Variants in LRRC37A observed in about 807,000 individuals in gnomAD.
LRRC37A encodes the protein leucine rich repeat containing 37A.
Under a neutral mutation model 35.4 loss-of-function variants are expected in LRRC37A, and 3 were observed. That is an observed-to-expected ratio of 0.08 (90% confidence interval 0.04 to 0.22). LRRC37A has a LOEUF of 0.22. Among genes scored for constraint, LRRC37A ranks in the 10% least tolerant of loss-of-function variants. The probability of loss-of-function intolerance (pLI) is 1.00; values close to 1 mark genes in which losing one functional copy is unlikely to be tolerated. For synonymous variants in LRRC37A, 23 were observed against 215.0 expected (o/e 0.11, Z 7.81); for missense variants, 67 against 565.3 (o/e 0.12, Z 8.94).
chr17:46,317,178 G>GA (rs2051198777), intron 5 of LRRC37A, among the ~76,000 whole-genome samples: 5 of 86,038 alleles, frequency 5.8e-5, no homozygotes, highest in Admixed American at 1.2e-4. Flanking sequence ...TCACATCCCA[G>GA]ACGGGCATGC....
At chr17:46,286,266 A>T in the LRRC37A span, among the ~76,000 whole-genome samples, 4,284 of 151,710 alleles carry the variant, frequency 0.028, 1 homozygote, top group Middle Eastern at 0.048. Flanking sequence ...TTTGATGTTA[A>T]GAACAAGCAG....
chr17:46,277,131 G>A, the LRRC37A span, among the ~76,000 whole-genome samples: 6 of 152,324 alleles, frequency 3.9e-5, no homozygotes, highest in African/African-American at 1.2e-4. Flanking sequence ...GCAGAATTGA[G>A]CAAACGTCTC....
At chr17:46,251,039 C>T in the LRRC37A span, among the ~76,000 whole-genome samples, 1 of 152,304 alleles carries the variant, frequency 6.6e-6, no homozygotes, top group East Asian at 1.9e-4. Context: ...TTTGAGGCTG[C>T]AGTGAGCTAT....
rs1440582001 is a variant in LRRC37A at position 46,304,628 on chromosome 17, A to G, written c.2754-881A>G. 3.4e-4 allele frequency among the ~76,000 whole-genome samples: 24 copies of G among 69,950 alleles called. 3 individuals carry two copies. The highest frequency in any genetic ancestry group is 8.5e-4 in the African/African-American group (24 of 28,202). The allele number at this position is 69,950 out of a possible 152,430, so 45.9% of individuals were successfully genotyped here. ...GAGGGACAAACTCCATCACTGTATA[A>G]CTGAAGAAATTTTTTTTTATGAAAT... On this transcript the variant is annotated intron_variant, in intron 3 of 13. Coordinates refer to ENST00000320254, the Ensembl canonical transcript of LRRC37A.
the LRRC37A span, among the ~76,000 whole-genome samples, chr17:46,257,966 G>C: frequency 6.6e-6 from 1 of 152,216 alleles, no homozygotes; most frequent in African/African-American, 2.4e-5. Flanking sequence ...TCAAGCAGTG[G>C]CCTGGGGCTG....
chr17:46,267,046 C>T, the LRRC37A span: 2 of 242,984 alleles, frequency 8.2e-6, no homozygotes, highest in Non-Finnish European at 1.5e-5. Flanking sequence ...GCTTCAGATT[C>T]GGCCTCAGTC....
At chr17:46,268,374 C>T in the LRRC37A span, 2 of 770,210 alleles carry the variant, frequency 2.6e-6, no homozygotes, top group Non-Finnish European at 3.5e-6. Flanking sequence ...TGCCTGTAGA[C>T]TAAATATCAG....
chr17:46,259,883 A>G, the LRRC37A span: 3 of 1,567,246 alleles, frequency 1.9e-6, no homozygotes, highest in Non-Finnish European at 2.6e-6. Flanking sequence ...GCCAAGGCCA[A>G]CTGGCTGCCC....
the LRRC37A span, among the ~76,000 whole-genome samples, chr17:46,251,573 AAC>A: frequency 1.3e-5 from 2 of 149,580 alleles, 1 homozygote; most frequent in East Asian, 3.8e-4. Flanking sequence ...AACGTCTTAA[AAC>A]ACACAGGACA....
chr17:46,284,075 C>T, the LRRC37A span, among the ~76,000 whole-genome samples: 4 of 152,226 alleles, frequency 2.6e-5, no homozygotes, highest in African/African-American at 4.8e-5. Context: ...TGCCCAGGGA[C>T]GGGCAGGAGA....
chr17:46,275,938 T>A, the LRRC37A span, among the ~76,000 whole-genome samples: 1 of 152,166 alleles, frequency 6.6e-6, no homozygotes, highest in African/African-American at 2.4e-5. Flanking sequence ...GTCCCCAGGC[T>A]GTAGTGCAAA....
the LRRC37A span, among the ~76,000 whole-genome samples, chr17:46,263,159 A>C: frequency 0.15 from 22,075 of 152,038 alleles, 2,147 homozygotes; most frequent in Middle Eastern, 0.22. Context: ...GGCCACAGTG[A>C]GCCTTGATAG....
chr17:46,288,173 G>T (rs1255390076), upstream of LRRC37A, among the ~76,000 whole-genome samples: 3 of 138,756 alleles, frequency 2.2e-5, no homozygotes, highest in African/African-American at 7.5e-5. Context: ...CTTTTGTCTC[G>T]CTGTATAACC....
the LRRC37A span, among the ~76,000 whole-genome samples, chr17:46,281,857 T>G: frequency 1.3e-5 from 2 of 152,148 alleles, no homozygotes; most frequent in Non-Finnish European, 2.9e-5. Flanking sequence ...TTGGCCAGGC[T>G]GGTCTCAAAC....
rs1421517076 is a variant in LRRC37A, at chr17:46,323,454, C to T, written c.3053+427C>T. Among the ~76,000 whole-genome samples the T allele has an allele frequency of 3.3e-4, 33 of 99,350 alleles. 7 individuals carry two copies. The highest frequency in any genetic ancestry group is 1.0e-3 in the African/African-American group (31 of 30,874). 65.2% of individuals were successfully genotyped at this position (99,350 alleles called of 152,430 possible). ...CTCTGTCGCCCAGGCTGCAGTGCAG[C>T]GGCATGACCTAGGCTCACTGCAACC... On this transcript the variant is annotated intron_variant, in intron 7 of 13. Coordinates refer to ENST00000320254, the Ensembl canonical transcript of LRRC37A.
the LRRC37A span, among the ~76,000 whole-genome samples, chr17:46,269,989 C>A: frequency 6.6e-6 from 1 of 152,182 alleles, no homozygotes; most frequent in Non-Finnish European, 1.5e-5. Context: ...GGTTTAATCA[C>A]TAGCTAAATT....
At chr17:46,254,029 G>A in the LRRC37A span, among the ~76,000 whole-genome samples, 2 of 152,186 alleles carry the variant, frequency 1.3e-5, no homozygotes, top group African/African-American at 2.4e-5. Context: ...CAAGGTGAAG[G>A]TCGCACCCTG....
chr17:46,268,631 GA>G, the LRRC37A span: 5 of 1,555,448 alleles, frequency 3.2e-6, no homozygotes, highest in Admixed American at 3.8e-5. Flanking sequence ...GCAGCTATGT[GA>G]AAAGGTTTAA....
the LRRC37A span, among the ~76,000 whole-genome samples, chr17:46,287,331 C>T: frequency 6.6e-6 from 1 of 152,280 alleles, no homozygotes; most frequent in African/African-American, 2.4e-5. Context: ...CAAAGACTTA[C>T]ACCTGTCAAA....
Sources: allele counts gnomAD v4.1 joint callset (sites outside exome capture counted in the v4.1 genomes callset), GRCh38; gene constraint gnomAD v4.1.1; transcripts MANE v1.5; gene names NCBI Gene and HGNC (gene_info 2026-07-23, HGNC 2026-07-21).